The following TAB1 variants were observed in gnomAD, a reference collection of about 807,000 sequenced individuals.
The protein encoded by TAB1 is TGF-beta-activated kinase 1 and MAP3K7-binding protein 1.
A neutral mutation model predicts 54.5 loss-of-function variants in TAB1; 30 were observed. The ratio of observed to expected loss-of-function variants is 0.55; its 90% CI spans 0.41 to 0.75. TAB1 has a LOEUF of 0.75. Ranked by LOEUF, TAB1 falls within the 30% of genes least tolerant of loss-of-function variation. The pLI is 0.00. For synonymous variants in TAB1, 289 were observed against 286.9 expected (o/e 1.01, Z -0.07); for missense variants, 609 against 683.2 (o/e 0.89, Z 1.21).
chr22:39,402,742 G>A (rs1926201705), intron 1 of TAB1, among the ~76,000 whole-genome samples: 1 of 152,084 alleles, frequency 6.6e-6, no homozygotes, highest in Admixed American at 6.5e-5. Flanking sequence ...AGTAGAGACA[G>A]GGTTTCACCA....
At chr22:39,433,610 G>A (rs924473808), downstream of TAB1, 93 of 985,288 alleles carry the variant, frequency 9.4e-5, no homozygotes, top group Non-Finnish European at 1.0e-4. Context: ...GAGTTGTACC[G>A]TCCTGGTCTG....
chr22:39,417,505 C>A (rs934866977), intron 4 of TAB1, among the ~76,000 whole-genome samples: 2 of 151,972 alleles, frequency 1.3e-5, no homozygotes, highest in Non-Finnish European at 2.9e-5. Context: ...CTTGTAGTCC[C>A]AGCTACTCTC....
At chr22:39,418,676 A>G (rs925378069) in intron 5 of TAB1, 56 bp from the exon 6 acceptor site, 134 of 1,299,146 alleles carry the variant, frequency 1.0e-4, no homozygotes, top group Non-Finnish European at 1.4e-4. Flanking sequence ...CCTTCCCGGT[A>G]TGCCCTATTT....
chr22:39,421,762 G>T, intron 7 of TAB1, 65 bp from the exon 8 acceptor site: 1 of 1,567,022 alleles, frequency 6.4e-7, no homozygotes, highest in Non-Finnish European at 8.7e-7. Context: ...CCTCCCCTCA[G>T]CAGAATCAGC....
At chr22:39,436,278 G>A (rs369823397), downstream of TAB1, among the ~76,000 whole-genome samples, 4 of 151,948 alleles carry the variant, frequency 2.6e-5, no homozygotes, top group African/African-American at 9.7e-5. Context: ...GGGCAACAGA[G>A]CGAGACTCCG....
chr22:39,411,350 A>G (rs1401603256), intron 1 of TAB1, among the ~76,000 whole-genome samples: 2 of 152,236 alleles, frequency 1.3e-5, no homozygotes, highest in African/African-American at 4.8e-5. Flanking sequence ...AAAAGACACT[A>G]CTGAGTGAAA....
At chr22:39,433,791 G>A (rs1927677494), downstream of TAB1, 4 of 985,436 alleles carry the variant, frequency 4.1e-6, no homozygotes, top group Non-Finnish European at 4.8e-6. Flanking sequence ...AAAAGCACCC[G>A]ATTGTGTTGT....
intron 10 of TAB1, 29 bp from the exon 11 acceptor site, chr22:39,429,986 G>C: frequency 6.2e-7 from 1 of 1,610,110 alleles, no homozygotes; most frequent in Non-Finnish European, 8.5e-7. Flanking sequence ...GGCTGCTTCT[G>C]ATTGACTCCC....
intron 1 of TAB1, among the ~76,000 whole-genome samples, chr22:39,403,986 T>C (rs1217462784): frequency 1.3e-5 from 2 of 152,096 alleles, no homozygotes; most frequent in African/African-American, 2.4e-5. Flanking sequence ...AGTGGAAGCC[T>C]GGGACCTCCT....
chr22:39,422,059 C>T (rs1198595605), intron 8 of TAB1, 88 bp downstream of exon 8: 2 of 1,228,422 alleles, frequency 1.6e-6, no homozygotes, highest in Admixed American at 6.9e-5. Flanking sequence ...CACTGTGATT[C>T]TCGGAGGCCG....
chr22:39,406,075 A>G (rs1926348714), intron 1 of TAB1, among the ~76,000 whole-genome samples: 1 of 152,180 alleles, frequency 6.6e-6, no homozygotes, highest in Admixed American at 6.5e-5. Flanking sequence ...CATGTGGAAA[A>G]TGTAGGTCTT....
rs980464942 is a variant in TAB1, at chr22:39,415,825, G to A, written c.324+172G>A. The stretch of plus-strand genomic sequence containing the variant: ...GCCCCCCCACCCAACAGGAGTCCAG[G>A]ACCAGCCAGCGAGCAGCAGGCCTTC... On this transcript the variant is annotated intron_variant, in intron 3 of 10. Coordinates refer to ENST00000216160, the MANE Select transcript of TAB1 (RefSeq NM_006116.3). This position sits in a 1 kb window ranked among gnomAD's most constrained non-coding sequence, Gnocchi z 4.9. Among the ~76,000 whole-genome samples, 2 of 152,192 alleles carry A rather than the reference G, an allele frequency of 1.3e-5. No individual in the cohort carries two copies. The highest frequency in any genetic ancestry group is 4.8e-5 in the African/African-American group (2 of 41,442).
intron 1 of TAB1, among the ~76,000 whole-genome samples, chr22:39,405,892 G>A (rs1012018280): frequency 2.0e-5 from 3 of 152,108 alleles, no homozygotes; most frequent in East Asian, 1.9e-4. Context: ...GAGGTTCTCC[G>A]GCCACTGTAG....
chr22:39,399,885 G>A, intron 1 of TAB1, 50 bp downstream of exon 1: 1 of 1,554,422 alleles, frequency 6.4e-7, no homozygotes, highest in Non-Finnish European at 8.7e-7. Context: ...CCTGGGCGGG[G>A]GTGCTGTCGG....
Position 39,426,915 on chromosome 22 carries a change from C to T in TAB1, c.1134C>T (p.Ser378=). 6.2e-7 allele frequency: 1 copy of T among 1,611,160 alleles called. No individual in the cohort carries two copies. ...GCGAAATGAGCCAGCCCACACCGAG[C>T]CCAGCCCCAGGTACGTGTGCTGTGC... ...PLGEMSQPTP[S]PAPAAGGRVY... Residue 378 remains serine, a synonymous_variant, in exon 9 of 11, where the codon AGC becomes AGT. Coordinates refer to ENST00000216160, the MANE Select transcript of TAB1 (RefSeq NM_006116.3).
chr22:39,411,551 C>T (rs1354761827), intron 1 of TAB1, among the ~76,000 whole-genome samples: 1 of 152,202 alleles, frequency 6.6e-6, no homozygotes, highest in Non-Finnish European at 1.5e-5. Flanking sequence ...CACTACCCAC[C>T]TCTTAGAATA....
chr22:39,409,944 T>C (rs532432936), intron 1 of TAB1, among the ~76,000 whole-genome samples: 2 of 152,330 alleles, frequency 1.3e-5, no homozygotes, highest in South Asian at 4.1e-4. Context: ...CAGATATTTA[T>C]TGAAAGAATG....
rs1926815736 is a variant in TAB1 at position 39,415,949 on chromosome 22, T to C, written c.324+296T>C. ...GGAGCAGGGCAAGGCCTGGTAGAAATGGGGTCATTTAGAGCTACCCCTTTC... is the reference window on the plus strand; with the variant it reads ...GGAGCAGGGCAAGGCCTGGTAGAAACGGGGTCATTTAGAGCTACCCCTTTC... On this transcript the variant is annotated intron_variant, in intron 3 of 10. Transcript: ENST00000216160. This position sits in a 1 kb window ranked among gnomAD's most constrained non-coding sequence, Gnocchi z 4.9. 1.3e-5 allele frequency among the ~76,000 whole-genome samples: 2 copies of C among 152,066 alleles called. No individual in the cohort carries two copies. Among genetic ancestry groups the C allele is most frequent in the African/African-American group, 4.8e-5 (2 of 41,404 alleles).
intron 8 of TAB1, among the ~76,000 whole-genome samples, chr22:39,426,455 C>G (rs1443405642): frequency 6.6e-6 from 1 of 152,202 alleles, no homozygotes; most frequent in African/African-American, 2.4e-5. Flanking sequence ...GATGTTCTCC[C>G]CATCCTAGAG....
Sources: allele counts gnomAD v4.1 joint callset (sites outside exome capture counted in the v4.1 genomes callset), GRCh38; gene constraint gnomAD v4.1.1; non-coding constraint Gnocchi (gnomAD v3.1); transcripts MANE v1.5; gene names NCBI Gene and HGNC (gene_info 2026-07-23, HGNC 2026-07-21).